ADAMTSL1: variants seen among roughly 807,000 people sequenced by gnomAD.
The protein encoded by ADAMTSL1 is ADAMTS like 1, also known as ADAMTS-like protein 1.
Under a neutral mutation model 201.8 loss-of-function variants are expected in ADAMTSL1, and 126 were observed. That is an observed-to-expected ratio of 0.62 (90% CI 0.54 to 0.72). ADAMTSL1 has a LOEUF of 0.72. ADAMTSL1 is among the 30% of genes least tolerant of loss of function. The pLI is 0.00. For missense variants in ADAMTSL1, 2,679 were observed against 2,277.8 expected (o/e 1.18, Z -3.59); for synonymous variants, 1,121 against 903.4 (o/e 1.24, Z -4.32).
intron 2 of ADAMTSL1, among the ~76,000 whole-genome samples, chr9:18,521,585 AGATAT>A (rs1428816566): frequency 6.6e-6 from 1 of 152,104 alleles, no homozygotes; most frequent in African/African-American, 2.4e-5. Flanking sequence ...AATTGTTTAG[AGATAT>A]GATATATAAT....
intron 1 of ADAMTSL1, among the ~76,000 whole-genome samples, chr9:18,500,949 C>A (rs368121975): frequency 6.6e-6 from 1 of 152,146 alleles, no homozygotes; most frequent in Non-Finnish European, 1.5e-5. Flanking sequence ...CTTTTGATCA[C>A]TATGTTCAAT....
chr9:18,853,920 C>CGCGCGT lies in ADAMTSL1; in HGVS notation c.4249+23946_4249+23947insCGTGCG, dbSNP rs1826680206. ...GTGTGTGTGTGTGTGTGTGTGTGTG[C>CGCGCGT]GCGTGCATGCAAATAGTTGATTATA... On this transcript the variant is annotated intron_variant, in intron 23 of 28. Transcript: ENST00000380548. Among the ~76,000 whole-genome samples the CGCGCGT allele has an allele frequency of 3.7e-4, 8 of 21,502 alleles. No individual in the cohort carries two copies. The South Asian group carries it at 8.2e-3, about 22-fold the overall frequency. The allele number at this position is 21,502 out of a possible 152,430, so 14.1% of individuals were successfully genotyped here.
At chr9:18,314,043 A>T (rs2132810331) in intron 2 of ADAMTSL1, among the ~76,000 whole-genome samples, 1 of 152,314 alleles carries the variant, frequency 6.6e-6, no homozygotes, top group East Asian at 1.9e-4. Context: ...ATGTTTCTCC[A>T]AGGACAACGT....
intron 22 of ADAMTSL1, 81 bp from the exon 23 acceptor site, chr9:18,829,762 A>C (rs1449672396): frequency 6.4e-7 from 1 of 1,565,300 alleles, no homozygotes; most frequent in Non-Finnish European, 8.7e-7. Flanking sequence ...ATGTGCACAC[A>C]CATGCATACC....
intron 2 of ADAMTSL1, among the ~76,000 whole-genome samples, chr9:18,166,572 G>T (rs1827642486): frequency 6.6e-6 from 1 of 151,864 alleles, no homozygotes; most frequent in Non-Finnish European, 1.5e-5. Flanking sequence ...TAAACTCAGG[G>T]ATGTTTGCCA....
intron 2 of ADAMTSL1, among the ~76,000 whole-genome samples, chr9:18,199,174 G>C (rs976241342): frequency 6.6e-5 from 10 of 151,580 alleles, no homozygotes; most frequent in African/African-American, 2.4e-4. Flanking sequence ...ACGAGTTAGT[G>C]GGTGCAGTGC....
In ADAMTSL1 at chr9:18,085,655, C is replaced by CTG. The variant is rs1295843360; in HGVS notation, c.88-78197_88-78196dup. ...GTGTGTGTATATATATACATATACT[C>CTG]TGTGTGTGTGTATATATATACATAT... On this transcript the variant is annotated intron_variant, in intron 1 of 29. Coordinates refer to the ADAMTSL1 transcript ENST00000680146. Among the ~76,000 whole-genome samples the CTG allele has an allele frequency of 2.1e-5, 3 of 144,362 alleles. No individual in the cohort carries two copies. The East Asian group carries it at 6.0e-4, about 29-fold the overall frequency. The allele number at this position is 144,362 out of a possible 152,430, so 94.7% of individuals were successfully genotyped here. A position where few individuals can be genotyped will look rare whatever the true frequency, so the allele number is the denominator to read the frequency against.
At chr9:18,309,106 G>A (rs1196135594) in intron 2 of ADAMTSL1, among the ~76,000 whole-genome samples, 2 of 152,064 alleles carry the variant, frequency 1.3e-5, no homozygotes, top group African/African-American at 4.8e-5. Flanking sequence ...CTCAATAGAT[G>A]CAGAAAAAAG....
At chr9:18,853,975 T>G (rs1168491317) in intron 23 of ADAMTSL1, among the ~76,000 whole-genome samples, 5 of 151,780 alleles carry the variant, frequency 3.3e-5, no homozygotes, top group African/African-American at 1.2e-4. Context: ...AGGATTTGTC[T>G]CCAAGATATT....
chr9:18,233,967 C>T (rs1278214490), intron 2 of ADAMTSL1, among the ~76,000 whole-genome samples: 1 of 152,162 alleles, frequency 6.6e-6, no homozygotes, highest in Non-Finnish European at 1.5e-5. Context: ...ATTTGAAAAC[C>T]TGCATTCTGG....
chr9:18,307,048 G>A (rs998279380), intron 2 of ADAMTSL1, among the ~76,000 whole-genome samples: 7 of 152,112 alleles, frequency 4.6e-5, no homozygotes, highest in South Asian at 4.2e-4. Flanking sequence ...TTCAACATTC[G>A]TAAAGAAAAG....
chr9:18,803,335 G>A (rs1299691965), intron 20 of ADAMTSL1, among the ~76,000 whole-genome samples: 2 of 152,160 alleles, frequency 1.3e-5, no homozygotes, highest in African/African-American at 4.8e-5. Context: ...TTGGCTCATG[G>A]TTTCCTTCCT....
intron 2 of ADAMTSL1, among the ~76,000 whole-genome samples, chr9:18,294,008 A>G (rs1481956641): frequency 6.6e-6 from 1 of 152,190 alleles, no homozygotes; most frequent in Non-Finnish European, 1.5e-5. Context: ...CAGTTACCAG[A>G]CTCAGAACCA....
chr9:18,003,789 G>C (rs1038892804), intron 1 of ADAMTSL1, among the ~76,000 whole-genome samples: 3 of 152,026 alleles, frequency 2.0e-5, no homozygotes, highest in Non-Finnish European at 4.4e-5. Context: ...TGAGCCTTCT[G>C]TGCAGTCCAG....
Position 17,990,731 on chromosome 9 carries a change from T to C in ADAMTSL1, c.87+83809T>C, listed in dbSNP as rs1237150698. 3.9e-5 allele frequency among the ~76,000 whole-genome samples: 6 copies of C among 152,252 alleles called. No individual in the cohort carries two copies. The East Asian group carries it at 1.2e-3, about 29-fold the overall frequency. ...GTGGTCATAACCATTGCTTTTTTTCTAAGCTGAGCCACGTTACTAGATAAT... is the reference window on the plus strand; with the variant it reads ...GTGGTCATAACCATTGCTTTTTTTCCAAGCTGAGCCACGTTACTAGATAAT... On this transcript the variant is annotated intron_variant, in intron 1 of 29. Coordinates refer to the ADAMTSL1 transcript ENST00000680146.
intron 2 of ADAMTSL1, among the ~76,000 whole-genome samples, chr9:18,166,090 A>G (rs1827614807): frequency 1.3e-5 from 2 of 151,910 alleles, no homozygotes; most frequent in African/African-American, 2.4e-5. Flanking sequence ...GTTGAGCAGC[A>G]TACTCTGTTT....
intron 2 of ADAMTSL1, among the ~76,000 whole-genome samples, chr9:18,296,606 G>C: frequency 6.6e-6 from 1 of 152,062 alleles, no homozygotes; most frequent in East Asian, 1.9e-4. Flanking sequence ...CTATATGTTT[G>C]AAGTTTTCAA....
At chr9:18,125,430 A>C (rs1438065301) in intron 1 of ADAMTSL1, among the ~76,000 whole-genome samples, 1 of 152,226 alleles carries the variant, frequency 6.6e-6, no homozygotes, top group East Asian at 1.9e-4. Flanking sequence ...AAACCATATC[A>C]GAAGTCCAAT....
At chr9:18,186,705 G>A (rs776615005) in intron 2 of ADAMTSL1, among the ~76,000 whole-genome samples, 5 of 151,972 alleles carry the variant, frequency 3.3e-5, no homozygotes, top group Non-Finnish European at 7.4e-5. Flanking sequence ...TCTGTAATTT[G>A]GAATTGCATT....
Sources: gnomAD v4.1 joint callset for allele counts (sites outside exome capture counted in the v4.1 genomes callset) on GRCh38, gnomAD v4.1.1 for gene constraint, MANE v1.5 for transcripts, NCBI Gene and HGNC (gene_info 2026-07-23, HGNC 2026-07-21) for gene names.